SLC10A7: variants seen among roughly 807,000 people sequenced by gnomAD.
The protein encoded by SLC10A7 is sodium/bile acid cotransporter 7.
A neutral mutation model predicts 43.2 loss-of-function variants in SLC10A7; 29 were observed. The ratio of observed to expected loss-of-function variants is 0.67; its 90% CI spans 0.50 to 0.92. The LOEUF (loss-of-function observed/expected upper bound fraction) is 0.92, where lower values mean the gene tolerates loss of function less well. Among genes scored for constraint, SLC10A7 ranks in the 40% least tolerant of loss-of-function variants. SLC10A7 has a pLI of 0.00. For synonymous variants in SLC10A7, 152 were observed against 144.8 expected (o/e 1.05, Z -0.35); for missense variants, 295 against 403.2 (o/e 0.73, Z 2.30).
chr4:146,480,245 T>C lies in SLC10A7; in HGVS notation c.396+23604A>G, dbSNP rs139314520. ...TCAATACCTACTAGATATCACATTA[T>C]TTTAAATTATATTCAGTGTAGTTCC... On this transcript the variant is annotated intron_variant, in intron 4 of 11. Transcript: ENST00000335472. Among the ~76,000 whole-genome samples the C allele has an allele frequency of 1.7e-3, 253 of 152,232 alleles. 6 individuals carry two copies. In the East Asian group the frequency reaches 0.045, roughly 27 times the overall value.
intron 7 of SLC10A7, among the ~76,000 whole-genome samples, chr4:146,304,667 C>G (rs973033810): frequency 2.0e-5 from 3 of 151,944 alleles, no homozygotes; most frequent in Non-Finnish European, 4.4e-5. Context: ...GCTTTACTTC[C>G]AAGTATGTGG....
chr4:146,295,598 A>G (rs1730728390), intron 7 of SLC10A7, among the ~76,000 whole-genome samples: 1 of 152,134 alleles, frequency 6.6e-6, no homozygotes, highest in African/African-American at 2.4e-5. Context: ...CAACAGTGCT[A>G]TAGGTATCAT....
intron 7 of SLC10A7, among the ~76,000 whole-genome samples, chr4:146,299,903 G>A (rs561697927): frequency 3.3e-5 from 5 of 152,268 alleles, no homozygotes; most frequent in Admixed American, 2.0e-4. Flanking sequence ...GTAAAATGGA[G>A]AGGTGAAGAA....
At chr4:146,291,156 A>G (rs566299219) in intron 9 of SLC10A7, among the ~76,000 whole-genome samples, 2 of 152,336 alleles carry the variant, frequency 1.3e-5, no homozygotes, top group South Asian at 2.1e-4. Flanking sequence ...GGTTCTGATG[A>G]TCACTTTTGC....
chr4:146,511,771 C>T (rs1737495598), intron 2 of SLC10A7, among the ~76,000 whole-genome samples: 1 of 152,128 alleles, frequency 6.6e-6, no homozygotes, highest in Non-Finnish European at 1.5e-5. Flanking sequence ...TACAGTGAAT[C>T]AGAATTCTTA....
At chr4:146,441,567 C>T in intron 5 of SLC10A7, 1 of 656,574 alleles carries the variant, frequency 1.5e-6, no homozygotes, top group Non-Finnish European at 1.9e-6. Context: ...AGATATTATT[C>T]TATTAAACAA....
chr4:146,307,774 C>T (rs992263001), intron 6 of SLC10A7, among the ~76,000 whole-genome samples: 1 of 152,128 alleles, frequency 6.6e-6, no homozygotes, highest in Non-Finnish European at 1.5e-5. Flanking sequence ...GAAATCACTT[C>T]AGTGATCTCA....
chr4:146,303,785 T>C (rs1383475469), intron 7 of SLC10A7, among the ~76,000 whole-genome samples: 1 of 152,228 alleles, frequency 6.6e-6, no homozygotes, highest in African/African-American at 2.4e-5. Flanking sequence ...ACAGAGCACT[T>C]ACCTGTGTTA....
intron 4 of SLC10A7, among the ~76,000 whole-genome samples, chr4:146,490,306 T>C (rs1735277401): frequency 6.6e-6 from 1 of 151,972 alleles, no homozygotes; most frequent in Admixed American, 6.6e-5. Context: ...ATGCAATGAG[T>C]ATTCATGAGG....
chr4:146,262,457 T>C (rs912477058), intron 10 of SLC10A7, among the ~76,000 whole-genome samples: 2 of 152,238 alleles, frequency 1.3e-5, no homozygotes, highest in Non-Finnish European at 2.9e-5. Context: ...CACACTGTGA[T>C]TTCTGTCAGC....
intron 5 of SLC10A7, among the ~76,000 whole-genome samples, chr4:146,438,173 C>T (rs1342765559): frequency 6.6e-6 from 1 of 151,844 alleles, no homozygotes; most frequent in Non-Finnish European, 1.5e-5. Flanking sequence ...GAGAACCAGC[C>T]AAAGCAGAGA....
chr4:146,314,554 T>C (rs748769300), intron 6 of SLC10A7, among the ~76,000 whole-genome samples: 3 of 152,156 alleles, frequency 2.0e-5, no homozygotes, highest in Non-Finnish European at 2.9e-5. Context: ...AGTGCCCCCA[T>C]TTACTCAAGG....
chr4:146,386,835 G>A lies in SLC10A7; in HGVS notation c.435+55948C>T, dbSNP rs191909633. Among the ~76,000 whole-genome samples the A allele has an allele frequency of 1.1e-4, 16 of 152,140 alleles. No individual in the cohort carries two copies. The East Asian group carries it at 3.1e-3, about 29-fold the overall frequency. The stretch of plus-strand genomic sequence containing the variant: ...TGGAAGGACAATTATTTGTATATAT[G>A]TCTCTCTCCCTTAATAGTCCATGGG... On this transcript the variant is annotated intron_variant, in intron 5 of 11. Transcript: ENST00000335472.
Position 146,442,782 on chromosome 4 carries a change from C to T in SLC10A7, c.435+1G>A. On this transcript the variant is annotated splice_donor_variant, in intron 5 of 11. Coordinates refer to ENST00000335472, the MANE Select transcript of SLC10A7 (RefSeq NM_001029998.6). LOFTEE classifies it high-confidence loss of function. ...AGACAAGTTAAACTATGTTTACTTA[C>T]CAAAAAACTTCCAAAGGCTGAATTA... The T allele has an allele frequency of 1.2e-6, 2 of 1,601,756 alleles. No homozygotes were observed. Among genetic ancestry groups the T allele is most frequent in the Non-Finnish European group, 1.7e-6 (2 of 1,176,330 alleles).
At chr4:146,260,480 G>T (rs972302796) in intron 10 of SLC10A7, among the ~76,000 whole-genome samples, 1 of 152,170 alleles carries the variant, frequency 6.6e-6, no homozygotes, top group Non-Finnish European at 1.5e-5. Context: ...GACTGAGGCT[G>T]CTGGGCTAAA....
chr4:146,371,267 ATTTTACTTGCATT>A (rs1426271556), intron 5 of SLC10A7, among the ~76,000 whole-genome samples: 8 of 152,170 alleles, frequency 5.3e-5, no homozygotes, highest in Non-Finnish European at 1.0e-4. Context: ...CTTGTACTTC[ATTTTACTTGCATT>A]ATAACATAGA....
chr4:146,471,871 C>T (rs1319506008), intron 4 of SLC10A7, among the ~76,000 whole-genome samples: 1 of 152,104 alleles, frequency 6.6e-6, no homozygotes, highest in Non-Finnish European at 1.5e-5. Flanking sequence ...GTTAAGGTGT[C>T]AACATTAAAA....
At chr4:146,407,419 C>T (rs888273208) in intron 5 of SLC10A7, among the ~76,000 whole-genome samples, 1 of 152,148 alleles carries the variant, frequency 6.6e-6, no homozygotes, top group African/African-American at 2.4e-5. Flanking sequence ...ACGCTCTTTA[C>T]AAATTCTGAA....
chr4:146,504,022 T>C (rs888949391), intron 3 of SLC10A7, 98 bp from the exon 4 acceptor site: 2 of 1,024,634 alleles, frequency 2.0e-6, no homozygotes, highest in Non-Finnish European at 3.0e-6. Context: ...CAAATGAATA[T>C]AAGGGCATAT....
Sources: allele counts gnomAD v4.1 joint callset (sites outside exome capture counted in the v4.1 genomes callset), GRCh38; gene constraint gnomAD v4.1.1; transcripts MANE v1.5; gene names NCBI Gene and HGNC (gene_info 2026-07-23, HGNC 2026-07-21).